The following ROBO1 variants were observed in gnomAD, a reference collection of about 807,000 sequenced individuals.
ROBO1 encodes roundabout homolog 1.
Under a neutral mutation model 195.9 loss-of-function variants are expected in ROBO1, and 149 were observed. The observed-to-expected ratio is 0.76, with a 90% CI of 0.67 to 0.87. The LOEUF is 0.87. Among genes scored for constraint, ROBO1 ranks in the 40% least tolerant of loss-of-function variants. ROBO1 has a pLI of 0.00. For missense variants in ROBO1, 1,933 were observed against 2,068.3 expected (o/e 0.93, Z 1.27); for synonymous variants, 816 against 733.2 (o/e 1.11, Z -1.82).
intron 2 of ROBO1, among the ~76,000 whole-genome samples, chr3:79,300,041 G>A (rs776595617): frequency 1.2e-4 from 18 of 152,334 alleles, no homozygotes; most frequent in Non-Finnish European, 2.1e-4. Flanking sequence ...ATGTAGTACT[G>A]AGAGGTGACA....
chr3:79,743,257 A>G (rs973409511), intron 1 of ROBO1, among the ~76,000 whole-genome samples: 5 of 152,236 alleles, frequency 3.3e-5, no homozygotes, highest in African/African-American at 1.2e-4. Flanking sequence ...TAGACTGCAA[A>G]CCTGTACAAA....
At chr3:79,435,255 C>T (rs186543245) in intron 2 of ROBO1, among the ~76,000 whole-genome samples, 21 of 151,944 alleles carry the variant, frequency 1.4e-4, no homozygotes, top group Admixed American at 5.2e-4. Context: ...CTTTTAGAGA[C>T]GATGGGAGGT....
intron 29 of ROBO1, among the ~76,000 whole-genome samples, chr3:78,605,515 G>A (rs1703414751): frequency 6.6e-6 from 1 of 152,202 alleles, no homozygotes; most frequent in Non-Finnish European, 1.5e-5. Flanking sequence ...CTGGATAGCT[G>A]ATTGATAAAT....
intron 1 of ROBO1, among the ~76,000 whole-genome samples, chr3:79,740,679 A>G (rs1307342619): frequency 3.3e-5 from 5 of 152,108 alleles, no homozygotes; most frequent in Admixed American, 6.6e-5. Flanking sequence ...CCATGATTCA[A>G]TTCTCTTCAC....
Position 79,458,307 on chromosome 3 carries a change from AG to A in ROBO1, c.88+131516del, listed in dbSNP as rs376044901. ...AGAACTCAGCCTGGGTGTGGCAGTA[AG>A]GCAGGGCAGAAATGTTTGCCAAACA... On this transcript the variant is annotated intron_variant, in intron 2 of 30. Transcript: ENST00000464233. Among the ~76,000 whole-genome samples, 459 of 152,302 alleles carry A rather than the reference AG, an allele frequency of 3.0e-3. 2 individuals carry two copies. Among genetic ancestry groups the A allele is most frequent in the African/African-American group, 9.6e-3 (401 of 41,560 alleles).
At chr3:79,575,214 T>TATATATAACAAATATATATAA (rs1943426650) in intron 2 of ROBO1, among the ~76,000 whole-genome samples, 5 of 114,956 alleles carry the variant, frequency 4.3e-5, no homozygotes, top group African/African-American at 1.5e-4. Context: ...ATAACAGATA[T>TATATATAACAAATATATATAA]ATATATATAA....
intron 2 of ROBO1, among the ~76,000 whole-genome samples, chr3:79,500,007 C>T (rs931654072): frequency 2.0e-5 from 3 of 151,434 alleles, no homozygotes; most frequent in Non-Finnish European, 4.4e-5. Context: ...GGGGTTACAC[C>T]GTATTAGTCA....
Position 78,668,292 on chromosome 3 carries a change from A to C in ROBO1, c.1641T>G (p.Val547=), listed in dbSNP as rs1707855340. Residue 547 remains valine, a synonymous_variant, in exon 13 of 31, where the codon GTT becomes GTG. Coordinates refer to ENST00000464233, the MANE Select transcript of ROBO1 (RefSeq NM_002941.4). ...SAYIEVQEFG[V]PVQPPRPTDP... ...CAGTAGGTCTTGGAGGCTGAACTGGAACTCCAAATTCTAAAAAGCAGGAAA... is the reference window on the plus strand; with the variant it reads ...CAGTAGGTCTTGGAGGCTGAACTGGCACTCCAAATTCTAAAAAGCAGGAAA... The C allele has an allele frequency of 6.2e-7, 1 of 1,612,632 alleles. No individual in the cohort carries two copies. Among genetic ancestry groups the C allele is most frequent in the Non-Finnish European group, 8.5e-7 (1 of 1,179,502 alleles).
intron 4 of ROBO1, among the ~76,000 whole-genome samples, chr3:78,815,648 T>G (rs746080884): frequency 6.6e-6 from 1 of 152,142 alleles, no homozygotes; most frequent in Admixed American, 6.5e-5. Context: ...AGCAAGCATG[T>G]TCACAGCACC....
intron 3 of ROBO1, among the ~76,000 whole-genome samples, chr3:79,035,162 T>C (rs1354717853): frequency 6.6e-6 from 1 of 152,094 alleles, no homozygotes; most frequent in Non-Finnish European, 1.5e-5. Flanking sequence ...TTTATTTTTA[T>C]TGAAAAATAT....
chr3:79,306,443 TA>T (rs2033221039), intron 2 of ROBO1, among the ~76,000 whole-genome samples: 1 of 152,162 alleles, frequency 6.6e-6, no homozygotes, highest in African/African-American at 2.4e-5. Flanking sequence ...GAAACAAAAT[TA>T]AAATTGGGCG....
intron 3 of ROBO1, among the ~76,000 whole-genome samples, chr3:78,967,803 A>G (rs1034105384): frequency 6.6e-5 from 10 of 152,220 alleles, no homozygotes; most frequent in African/African-American, 2.4e-4. Context: ...TTATAAGAAA[A>G]GATGGATAAC....
chr3:78,736,399 G>C (rs2108221700), intron 5 of ROBO1, among the ~76,000 whole-genome samples: 1 of 152,148 alleles, frequency 6.6e-6, no homozygotes, highest in South Asian at 2.1e-4. Flanking sequence ...AGAAGTACTT[G>C]GTAAAAGGAA....
At chr3:78,779,830 C>T (rs2083619481) in intron 4 of ROBO1, among the ~76,000 whole-genome samples, 1 of 152,086 alleles carries the variant, frequency 6.6e-6, no homozygotes, top group South Asian at 2.1e-4. Flanking sequence ...ACACTGTTCA[C>T]AATAGCAAAG....
chr3:78,981,200 T>C (rs184780129), intron 3 of ROBO1, among the ~76,000 whole-genome samples: 374 of 152,312 alleles, frequency 2.5e-3, no homozygotes, highest in African/African-American at 8.6e-3. Flanking sequence ...AAATAAATTA[T>C]AGTATATTAC....
intron 2 of ROBO1, among the ~76,000 whole-genome samples, chr3:79,292,900 TA>T (rs939879390): frequency 2.6e-5 from 4 of 152,206 alleles, no homozygotes; most frequent in Admixed American, 1.3e-4. Flanking sequence ...TAAAATAAGT[TA>T]GGGGGGAGTC....
intron 3 of ROBO1, among the ~76,000 whole-genome samples, chr3:79,021,857 T>A (rs769619297): frequency 6.6e-5 from 10 of 152,112 alleles, no homozygotes; most frequent in Non-Finnish European, 1.2e-4. Flanking sequence ...AGACGGGGTT[T>A]CACCGTGTTA....
intron 3 of ROBO1, among the ~76,000 whole-genome samples, chr3:79,102,861 A>G (rs544801036): frequency 6.6e-6 from 1 of 151,928 alleles, no homozygotes; most frequent in South Asian, 2.1e-4. Flanking sequence ...TTTTCTTTCA[A>G]GGAGCTTTTT....
At chr3:79,619,472 T>C (rs564832076) in intron 1 of ROBO1, among the ~76,000 whole-genome samples, 5 of 152,228 alleles carry the variant, frequency 3.3e-5, no homozygotes, top group African/African-American at 9.6e-5. Context: ...TGGTTCTAAA[T>C]GGCCAGAAAA....
Sources: allele counts gnomAD v4.1 joint callset (sites outside exome capture counted in the v4.1 genomes callset), GRCh38; gene constraint gnomAD v4.1.1; transcripts MANE v1.5; gene names NCBI Gene and HGNC (gene_info 2026-07-23, HGNC 2026-07-21).